Variants in ADGRG7 observed in about 807,000 individuals in gnomAD.
ADGRG7 encodes the protein G-protein coupled receptor 128.
A neutral mutation model predicts 88.6 loss-of-function variants in ADGRG7; 82 were observed. The observed-to-expected ratio is 0.93, with a 90% confidence interval of 0.77 to 1.11. ADGRG7 has a LOEUF of 1.11. Among genes scored for constraint, ADGRG7 ranks in the 50% most tolerant of loss-of-function variants. The probability of loss-of-function intolerance (pLI) is 0.00; values close to 1 mark genes in which losing one functional copy is unlikely to be tolerated. For synonymous variants in ADGRG7, 381 were observed against 345.2 expected (o/e 1.10, Z -1.15); for missense variants, 945 against 953.4 (o/e 0.99, Z 0.12).
At chr3:100,629,267 CTCTATCTATCTATCTA>C (rs58092447) in intron 1 of ADGRG7, among the ~76,000 whole-genome samples, 53 of 149,030 alleles carry the variant, frequency 3.6e-4, no homozygotes, top group Admixed American at 8.1e-4. Context: ...TCCATGTTGA[CTCTATCTATCTATCTA>C]TCTATCTATC....
rs112135127 is a variant in ADGRG7 at position 100,661,295 on chromosome 3, T to C, written c.1979+1452T>C. ...TATAAGATTTTGCTCATATAGTAAG[T>C]AGACTTAATAAAAGCAAGCATGTCT... On this transcript the variant is annotated intron_variant, in intron 14 of 15. Coordinates refer to ENST00000273352, the MANE Select transcript of ADGRG7 (RefSeq NM_032787.3). Among the ~76,000 whole-genome samples the C allele has an allele frequency of 8.6e-3, 1,309 of 152,336 alleles. 14 individuals carry two copies. Among genetic ancestry groups the C allele is most frequent in the African/African-American group, 0.019 (781 of 41,570 alleles).
At chr3:100,652,220 C>T (rs2094930478) in intron 11 of ADGRG7, among the ~76,000 whole-genome samples, 3 of 151,976 alleles carry the variant, frequency 2.0e-5, no homozygotes, top group Admixed American at 6.6e-5. Flanking sequence ...GTCCAGAAAT[C>T]TCAACTAAAA....
chr3:100,635,759 A>G lies in ADGRG7; in HGVS notation c.530A>G (p.Glu177Gly). ...TCTGATGCCAATAAATTAACTGCTG[A>G]GAACATCACTAGTGCTACGCGAGTG... ...LTSDANKLTA[E>G]NITSATRVVG... The change falls in exon 5 of 16, where the codon GAG becomes GGG. Residue 177 changes from glutamate to glycine, a missense_variant. Glu to Gly is a moderately conservative substitution (Grantham distance 98, BLOSUM62 -2). Coordinates refer to ENST00000273352, the MANE Select transcript of ADGRG7 (RefSeq NM_032787.3). 1.9e-6 allele frequency: 3 copies of G among 1,614,100 alleles called. No individual in the cohort carries two copies. Among genetic ancestry groups the G allele is most frequent in the Non-Finnish European group, 2.5e-6 (3 of 1,179,946 alleles).
chr3:100,663,138 A>G (rs2094947697), intron 14 of ADGRG7, among the ~76,000 whole-genome samples: 1 of 152,148 alleles, frequency 6.6e-6, no homozygotes, highest in Non-Finnish European at 1.5e-5. Flanking sequence ...GAGTAGGGGA[A>G]CTAAGGGTTC....
chr3:100,683,091 G>A (rs1027697001), intron 15 of ADGRG7, among the ~76,000 whole-genome samples: 2 of 152,150 alleles, frequency 1.3e-5, no homozygotes, highest in African/African-American at 2.4e-5. Flanking sequence ...AAGGAGAGGA[G>A]CTACCCACTG....
At chr3:100,664,805 G>A (rs1294854656) in intron 14 of ADGRG7, among the ~76,000 whole-genome samples, 1 of 152,140 alleles carries the variant, frequency 6.6e-6, no homozygotes, top group Non-Finnish European at 1.5e-5. Context: ...TCACAAGAGT[G>A]CAAAAAGTCC....
rs547722589 is a variant in ADGRG7, at chr3:100,652,684, A to C, written c.1380-2151A>C. Among the ~76,000 whole-genome samples, 7 of 152,284 alleles carry C rather than the reference A, an allele frequency of 4.6e-5. No individual in the cohort carries two copies. In the East Asian group the frequency reaches 1.3e-3, roughly 29 times the overall value. On this transcript the variant is annotated intron_variant, in intron 11 of 15. Coordinates refer to ENST00000273352, the MANE Select transcript of ADGRG7 (RefSeq NM_032787.3). ...TAAGAGAAATCTTGCATTCTCTGCC[A>C]ATCTGAAGATATACATGTGGGCTAG...
chr3:100,612,128 G>A (rs1420007821), intron 1 of ADGRG7, among the ~76,000 whole-genome samples: 1 of 151,944 alleles, frequency 6.6e-6, no homozygotes, highest in South Asian at 2.1e-4. Context: ...CCAGGCTGGA[G>A]TAACATATAT....
intron 6 of ADGRG7, among the ~76,000 whole-genome samples, chr3:100,639,010 CTGTG>C (rs56088926): frequency 0.045 from 6,677 of 146,956 alleles, 460 homozygotes; most frequent in African/African-American, 0.16. Flanking sequence ...CCCTCTGTTT[CTGTG>C]TGTGTGTGTG....
At position 100,612,317 on chromosome 3, in the gene ADGRG7, T is replaced by C. The variant is rs115989094; in HGVS notation, c.115+2346T>C. 7.0e-3 allele frequency among the ~76,000 whole-genome samples: 1,065 copies of C among 152,316 alleles called. 9 individuals are homozygous for C. Among genetic ancestry groups the C allele is most frequent in the African/African-American group, 0.013 (542 of 41,580 alleles). ...TACAACAATATTTATGCTATTTATG[T>C]ATTTAATTATTATAATACCTATAGT... On this transcript the variant is annotated intron_variant, in intron 1 of 15. Coordinates refer to ENST00000273352, the MANE Select transcript of ADGRG7 (RefSeq NM_032787.3).
At chr3:100,646,774 A>T (rs1306220845) in intron 10 of ADGRG7, 50 bp downstream of exon 10, 1 of 1,482,400 alleles carries the variant, frequency 6.7e-7, no homozygotes, top group Non-Finnish European at 9.4e-7. Context: ...TTCCTTATAC[A>T]CAATTCTAGT....
intron 14 of ADGRG7, among the ~76,000 whole-genome samples, chr3:100,667,665 G>T (rs1386000800): frequency 1.3e-5 from 2 of 152,186 alleles, no homozygotes; most frequent in Non-Finnish European, 2.9e-5. Context: ...ATCATAGAAT[G>T]ATTTATAATC....
At chr3:100,620,830 TA>T (rs1707300409) in intron 1 of ADGRG7, among the ~76,000 whole-genome samples, 7 of 136,968 alleles carry the variant, frequency 5.1e-5, no homozygotes, top group Admixed American at 7.1e-5. Flanking sequence ...TCATAGGTAT[TA>T]TGTTTTTTTT....
At position 100,610,593 on chromosome 3, in the gene ADGRG7, G is replaced by C. The variant is rs6775107; in HGVS notation, c.115+622G>C. Reference sequence around the variant, plus strand: ...TGTGTGCCAGAGCTGGCCTGGAAAAGGAGGACGTGGGAGGGGAAGTAGTGA... The same window carrying C: ...TGTGTGCCAGAGCTGGCCTGGAAAACGAGGACGTGGGAGGGGAAGTAGTGA... On this transcript the variant is annotated intron_variant, in intron 1 of 15. Coordinates refer to ENST00000273352, the MANE Select transcript of ADGRG7 (RefSeq NM_032787.3). 5.0e-3 allele frequency among the ~76,000 whole-genome samples: 769 copies of C among 152,298 alleles called. 8 individuals carry two copies. Among genetic ancestry groups the C allele is most frequent in the African/African-American group, 0.018 (735 of 41,554 alleles).
Position 100,646,881 on chromosome 3 carries a change from C to T in ADGRG7, c.1266+157C>T, listed in dbSNP as rs116220797. Among the ~76,000 whole-genome samples the T allele has an allele frequency of 3.5e-3, 530 of 152,272 alleles. 5 individuals carry two copies. The highest frequency in any genetic ancestry group is 5.1e-3 in the Non-Finnish European group (350 of 68,024). ...GAAATAAAATAATGGGACTTAAGGC[C>T]GGGCGCGGTGGCTCACGCCTGTAAC... is the stretch of plus-strand genomic sequence containing the variant. On this transcript the variant is annotated intron_variant, in intron 10 of 15. Transcript: ENST00000273352.
intron 15 of ADGRG7, among the ~76,000 whole-genome samples, chr3:100,687,446 T>G (rs1266658257): frequency 4.6e-5 from 7 of 152,304 alleles, no homozygotes; most frequent in Non-Finnish European, 1.0e-4. Context: ...GGCATCCCTG[T>G]CTTGTGCCAG....
At chr3:100,620,656 A>T (rs1471167798) in intron 1 of ADGRG7, among the ~76,000 whole-genome samples, 2 of 152,236 alleles carry the variant, frequency 1.3e-5, no homozygotes, top group Non-Finnish European at 2.9e-5. Flanking sequence ...TCAAACTGAC[A>T]ATCACAGTGA....
chr3:100,674,561 G>C (rs1404176689), intron 15 of ADGRG7, among the ~76,000 whole-genome samples: 1 of 148,946 alleles, frequency 6.7e-6, no homozygotes, highest in African/African-American at 2.5e-5. Context: ...TTTGTAAATA[G>C]GATTGCTTTC....
At chr3:100,614,758 G>C (rs1300136885) in intron 1 of ADGRG7, among the ~76,000 whole-genome samples, 1 of 152,056 alleles carries the variant, frequency 6.6e-6, no homozygotes, top group Admixed American at 6.6e-5. Flanking sequence ...CTCTAATTTT[G>C]TCTAGGAGAA....
Sources: allele counts gnomAD v4.1 joint callset (sites outside exome capture counted in the v4.1 genomes callset), GRCh38; gene constraint gnomAD v4.1.1; transcripts MANE v1.5; gene names NCBI Gene and HGNC (gene_info 2026-07-23, HGNC 2026-07-21).